The following ROCK1 variants were observed in gnomAD, a reference collection of about 807,000 sequenced individuals.
ROCK1 encodes the protein rho-associated protein kinase 1.
A neutral mutation model predicts 196.8 loss-of-function variants in ROCK1; 36 were observed. The observed-to-expected ratio is 0.18, with a 90% CI of 0.14 to 0.24. The LOEUF is 0.24. Among genes scored for constraint, ROCK1 ranks in the 10% least tolerant of loss-of-function variants. The pLI is 1.00. For synonymous variants in ROCK1, 443 were observed against 515.9 expected (o/e 0.86, Z 1.91); for missense variants, 920 against 1,562.0 (o/e 0.59, Z 6.93).
chr18:21,006,517 C>T lies in ROCK1; in HGVS notation c.1719G>A (p.Lys573=), dbSNP rs1428013768. The stretch of plus-strand genomic sequence containing the variant: ...TCAGGGACTCTAACTGACTAATTGA[C>T]TTGCTCATCTCTGTGTGACTCTTCC... ...RLRKSHTEMS[K]SISQLESLNR... is the part of the protein sequence containing the mutation. Residue 573 remains lysine, a synonymous_variant, in exon 16 of 33, where the codon AAG becomes AAA. Transcript: ENST00000399799. The T allele has an allele frequency of 6.2e-7, 1 of 1,613,902 alleles. No homozygotes were observed. The highest frequency in any genetic ancestry group is 8.5e-7 in the Non-Finnish European group (1 of 1,179,988).
At chr18:21,093,236 C>T (rs1012165521) in intron 1 of ROCK1, among the ~76,000 whole-genome samples, 2 of 152,156 alleles carry the variant, frequency 1.3e-5, no homozygotes, top group African/African-American at 4.8e-5. Flanking sequence ...CTTGTAATCA[C>T]AAGTTCTCTG....
In ROCK1 at chr18:20,991,151, TA is replaced by T. The variant is rs1299527733; in HGVS notation, c.2143+24del. ...TAGTCACTATTTAAAGTCAATTTTG[TA>T]AAAATATTAAAACTGACACTTACCA... On this transcript the variant is annotated intron_variant, in intron 18 of 32. Coordinates refer to ENST00000399799, the MANE Select transcript of ROCK1 (RefSeq NM_005406.3). The T allele has an allele frequency of 2.6e-6, 4 of 1,556,226 alleles. No homozygotes were observed. In the African/African-American group the frequency reaches 4.2e-5, roughly 16 times the overall value.
chr18:21,043,535 T>TTATGTTATTTATTATATAAATAACA (rs2036126755), intron 6 of ROCK1, among the ~76,000 whole-genome samples: 1 of 141,770 alleles, frequency 7.1e-6, no homozygotes, highest in African/African-American at 2.9e-5. Context: ...AATAACATAT[T>TTATGTTATTTATTATATAAATAACA]TATTTATGTT....
At chr18:21,098,211 G>T (rs112171864) in intron 1 of ROCK1, among the ~76,000 whole-genome samples, 112 of 152,296 alleles carry the variant, frequency 7.4e-4, no homozygotes, top group African/African-American at 2.5e-3. Flanking sequence ...AATTGACACA[G>T]TGTGGTATTA....
intron 16 of ROCK1, among the ~76,000 whole-genome samples, chr18:20,998,630 G>T (rs1235524565): frequency 1.5e-5 from 2 of 135,652 alleles, no homozygotes; most frequent in Non-Finnish European, 1.5e-5. Context: ...TTTGAGACAG[G>T]ATCTTGCTCT....
intron 9 of ROCK1, 89 bp downstream of exon 9, chr18:21,039,383 C>G (rs1033505614): frequency 1.2e-6 from 1 of 864,676 alleles, no homozygotes; most frequent in Non-Finnish European, 1.8e-6. Context: ...TCATCAGATA[C>G]ACACAAATAT....
At chr18:21,062,794 G>A (rs1161581682) in intron 2 of ROCK1, among the ~76,000 whole-genome samples, 2 of 152,132 alleles carry the variant, frequency 1.3e-5, no homozygotes, top group Non-Finnish European at 2.9e-5. Context: ...CATAAAGCTG[G>A]AAATTTTAAA....
intron 10 of ROCK1, among the ~76,000 whole-genome samples, chr18:21,028,415 T>C (rs952081443): frequency 1.3e-5 from 2 of 151,688 alleles, no homozygotes; most frequent in Admixed American, 6.6e-5. Flanking sequence ...GACTCCATCG[T>C]GGAAAAAAAC....
chr18:21,044,209 CAG>C, intron 5 of ROCK1, 23 bp from the exon 6 acceptor site: 2 of 1,545,160 alleles, frequency 1.3e-6, no homozygotes, highest in Non-Finnish European at 1.8e-6. Flanking sequence ...AAAAATAGTA[CAG>C]TATTTTCTGA....
At chr18:21,027,911 G>A (rs1172712617) in intron 10 of ROCK1, among the ~76,000 whole-genome samples, 38 of 145,900 alleles carry the variant, frequency 2.6e-4, no homozygotes, top group African/African-American at 8.4e-4. Flanking sequence ...ACAGGCGCCC[G>A]CTACCACGCC....
chr18:21,069,707 A>G (rs1468358327), intron 2 of ROCK1, among the ~76,000 whole-genome samples: 1 of 152,128 alleles, frequency 6.6e-6, no homozygotes, highest in Non-Finnish European at 1.5e-5. Context: ...TTCCTTCACT[A>G]TGTTGTCAGG....
chr18:21,023,050 G>C (rs1035416497), intron 11 of ROCK1, among the ~76,000 whole-genome samples: 2 of 152,080 alleles, frequency 1.3e-5, no homozygotes, highest in African/African-American at 4.8e-5. Flanking sequence ...CAAATTCATT[G>C]AGACAGAAAG....
chr18:21,102,896 T>A (rs2036671155), intron 1 of ROCK1, among the ~76,000 whole-genome samples: 1 of 151,352 alleles, frequency 6.6e-6, no homozygotes, highest in Non-Finnish European at 1.5e-5. Flanking sequence ...AAGACAACAA[T>A]CTGAGAAAAT....
chr18:20,959,097 TA>T lies in ROCK1; in HGVS notation c.3512+742del, dbSNP rs1339471804. On this transcript the variant is annotated intron_variant, in intron 29 of 32. Coordinates refer to ENST00000399799, the MANE Select transcript of ROCK1 (RefSeq NM_005406.3). The stretch of plus-strand genomic sequence containing the variant: ...TATAATATATATATTTTATATAATA[TA>T]TATATTATATATATATTATATAATA... Among the ~76,000 whole-genome samples the T allele has an allele frequency of 5.2e-3, 99 of 19,060 alleles. 4 individuals are homozygous for T. The highest frequency in any genetic ancestry group is 0.023 in the African/African-American group (94 of 4,142). The allele number at this position is 19,060 out of a possible 152,430, so 12.5% of individuals were successfully genotyped here.
chr18:21,049,817 T>C lies in ROCK1; in HGVS notation c.239A>G (p.Lys80Arg). The change falls in exon 3 of 33, where the codon AAG becomes AGG. Residue 80 changes from lysine (K) to arginine (R), a missense_variant. Around this residue, in one of 6 missense-constraint regions of ROCK1, gnomAD observed 234 missense variants for 460.7 expected, o/e 0.51. Transcript: ENST00000399799. The stretch of plus-strand genomic sequence containing the variant: ...TCCAAATGCACCTCTACCAATCACC[T>C]TCACTACTTCATAATCTTCAGCTTT... Reference protein sequence around the residue: ...RMKAEDYEVVKVIGRGAFGEV... With the variant: ...RMKAEDYEVVRVIGRGAFGEV... 6.2e-7 allele frequency: 1 copy of C among 1,608,966 alleles called. No homozygotes were observed.
Position 21,028,854 on chromosome 18 carries a change from T to A in ROCK1, c.1133A>T (p.Glu378Val). The A allele has an allele frequency of 6.2e-7, 1 of 1,612,928 alleles. No homozygotes were observed. Among genetic ancestry groups the A allele is most frequent in the East Asian group, 2.2e-5 (1 of 44,744 alleles). ...FDDLEEDKGE[E>V]ETFPIPKAFV... The stretch of plus-strand genomic sequence containing the variant: ...AGCTTTAGGAATAGGGAATGTTTCT[T>A]CCTCTCCTTTATCTTCTTCCAAGTC... Residue 378 changes from glutamate to valine, a missense_variant, in exon 10 of 33, where the codon GAA becomes GTA. By Grantham distance (121) the Glu-to-Val change is moderately radical. Around this residue, in one of 6 missense-constraint regions of ROCK1, gnomAD observed 234 missense variants for 460.7 expected, o/e 0.51. Coordinates refer to ENST00000399799, the MANE Select transcript of ROCK1 (RefSeq NM_005406.3).
chr18:21,064,911 G>A (rs1361282876), intron 2 of ROCK1, among the ~76,000 whole-genome samples: 1 of 152,174 alleles, frequency 6.6e-6, no homozygotes, highest in Non-Finnish European at 1.5e-5. Flanking sequence ...TCAACATAAA[G>A]TCTTAGGCAG....
At chr18:21,019,221 T>A (rs1038920492) in intron 12 of ROCK1, among the ~76,000 whole-genome samples, 5 of 152,128 alleles carry the variant, frequency 3.3e-5, no homozygotes, top group Non-Finnish European at 7.4e-5. Context: ...CGGTGTGATC[T>A]CGACTTCCTG....
At chr18:21,072,487 T>G (rs987249911) in intron 1 of ROCK1, among the ~76,000 whole-genome samples, 1 of 152,174 alleles carries the variant, frequency 6.6e-6, no homozygotes, top group Non-Finnish European at 1.5e-5. Context: ...ATGCAAGGAA[T>G]GTGTATGTCC....
Sources: gnomAD v4.1 joint callset for allele counts (sites outside exome capture counted in the v4.1 genomes callset) on GRCh38, gnomAD v4.1.1 for gene constraint, gnomAD v4.1.1 regional missense constraint, MANE v1.5 for transcripts, NCBI Gene and HGNC (gene_info 2026-07-23, HGNC 2026-07-21) for gene names.